TMEM177: variants seen among roughly 807,000 people sequenced by gnomAD.
The protein encoded by TMEM177 is transmembrane protein 177.
Under a neutral mutation model 14.2 loss-of-function variants are expected in TMEM177, and 4 were observed. The observed-to-expected ratio is 0.28, with a 90% confidence interval of 0.14 to 0.64. The LOEUF (loss-of-function observed/expected upper bound fraction) is 0.64. Ranked by LOEUF, TMEM177 falls within the 30% of genes least tolerant of loss-of-function variation. The pLI is 0.82. For missense variants in TMEM177, 344 were observed against 405.2 expected (o/e 0.85, Z 1.30); for synonymous variants, 179 against 174.5 (o/e 1.03, Z -0.20).
the TMEM177 span, among the ~76,000 whole-genome samples, chr2:119,723,503 GT>G: frequency 6.6e-6 from 1 of 152,164 alleles, no homozygotes; most frequent in Admixed American, 6.5e-5. Context: ...TTCAATGCAG[GT>G]TGTCACTTGG....
At chr2:119,688,306 G>C (rs1049004248), downstream of TMEM177, among the ~76,000 whole-genome samples, 1 of 152,306 alleles carries the variant, frequency 6.6e-6, no homozygotes, top group South Asian at 2.1e-4. Flanking sequence ...GTGATTTTAT[G>C]AATTCAAATA....
At chr2:119,708,252 C>T in the TMEM177 span, among the ~76,000 whole-genome samples, 5 of 152,214 alleles carry the variant, frequency 3.3e-5, no homozygotes, top group Non-Finnish European at 4.4e-5. Context: ...AAACACCCAT[C>T]TCTTAGCTTT....
At chr2:119,708,396 C>T in the TMEM177 span, among the ~76,000 whole-genome samples, 1 of 152,122 alleles carries the variant, frequency 6.6e-6, no homozygotes, top group African/African-American at 2.4e-5. Flanking sequence ...TCTTACATAA[C>T]AGGCATATTT....
chr2:119,687,945 C>A (rs1412504510), downstream of TMEM177, among the ~76,000 whole-genome samples: 1 of 152,054 alleles, frequency 6.6e-6, no homozygotes, highest in Non-Finnish European at 1.5e-5. Flanking sequence ...ATCTTTTGAC[C>A]CAGTAATTTC....
At chr2:119,705,930 A>G in the TMEM177 span, among the ~76,000 whole-genome samples, 4 of 149,804 alleles carry the variant, frequency 2.7e-5, no homozygotes, top group African/African-American at 9.8e-5. Context: ...TTCAGGAAAT[A>G]ATTCCTTAAC....
At chr2:119,699,605 G>T in the TMEM177 span, among the ~76,000 whole-genome samples, 1 of 152,160 alleles carries the variant, frequency 6.6e-6, no homozygotes, top group African/African-American at 2.4e-5. Context: ...ACTGCAAAAG[G>T]AGTGAATTTC....
At chr2:119,700,032 T>TAA in the TMEM177 span, 2 of 296,954 alleles carry the variant, frequency 6.7e-6, no homozygotes, top group Non-Finnish European at 6.6e-6. Context: ...GAGCTCTCCC[T>TAA]GCCACATCGA....
At chr2:119,707,765 C>A in the TMEM177 span, among the ~76,000 whole-genome samples, 3 of 152,224 alleles carry the variant, frequency 2.0e-5, no homozygotes, top group Non-Finnish European at 4.4e-5. Flanking sequence ...GGCTTCACAT[C>A]CATGCCACTC....
chr2:119,705,773 T>C, the TMEM177 span, among the ~76,000 whole-genome samples: 1 of 151,686 alleles, frequency 6.6e-6, no homozygotes, highest in Non-Finnish European at 1.5e-5. Context: ...CACTCAAGAA[T>C]AGACGGTGGG....
the TMEM177 span, among the ~76,000 whole-genome samples, chr2:119,702,076 T>C: frequency 6.6e-6 from 1 of 152,238 alleles, no homozygotes; most frequent in African/African-American, 2.4e-5. Context: ...CCCTAAACTG[T>C]AATTTCTAAT....
chr2:119,681,578 A>G lies in TMEM177; in HGVS notation c.725A>G (p.Tyr242Cys), dbSNP rs768018117. ...CGCACGGCCTCCCTCTCTGCAGCCT[A>G]TGCCTGTGGTGGAGTGGAGTTCTAT... ...DRRTASLSAA[Y>C]ACGGVEFYEK... The change falls in exon 2 of 2, where the codon TAT becomes TGT. Residue 242 changes from tyrosine to cysteine, a missense_variant. By Grantham distance (194) the Tyr-to-Cys change is radical. Transcript: ENST00000272521. The G allele has an allele frequency of 3.1e-6, 5 of 1,614,198 alleles. No individual in the cohort carries two copies. Among genetic ancestry groups the G allele is most frequent in the South Asian group, 1.1e-5 (1 of 91,076 alleles).
the TMEM177 span, among the ~76,000 whole-genome samples, chr2:119,694,105 A>T: frequency 3.4e-5 from 3 of 87,970 alleles, no homozygotes; most frequent in Non-Finnish European, 7.4e-5. Context: ...GCACACACAA[A>T]CACATACCAC....
At chr2:119,694,012 A>G in the TMEM177 span, among the ~76,000 whole-genome samples, 1 of 802 alleles carries the variant, frequency 1.2e-3, no homozygotes, top group Non-Finnish European at 2.3e-3. Context: ...ACGCATACAC[A>G]TTACACATAC....
the TMEM177 span, among the ~76,000 whole-genome samples, chr2:119,720,521 C>T: frequency 2.0e-5 from 3 of 152,134 alleles, no homozygotes; most frequent in South Asian, 2.1e-4. Flanking sequence ...CCGCCCACCT[C>T]GGCCTCCCAA....
At position 119,680,966 on chromosome 2, in the gene TMEM177, C is replaced by T. The variant is rs756935682; in HGVS notation, c.113C>T (p.Pro38Leu). ...GTTCCAATCTCGTACCACCTCTTCC[C>T]GGATCCCGTGGTCCAATGGCTCTAC... ...FGVPISYHLF[P>L]DPVVQWLYQY... The change falls in exon 2 of 2, where the codon CCG becomes CTG. Residue 38 changes from proline to leucine, a missense_variant. Physicochemically the swap from Pro to Leu is moderately conservative, Grantham distance 98. Coordinates refer to ENST00000272521, the MANE Select transcript of TMEM177 (RefSeq NM_030577.3). 18 of 1,614,104 alleles carry T rather than the reference C, an allele frequency of 1.1e-5. No homozygotes were observed. The highest frequency in any genetic ancestry group is 3.3e-5 in the South Asian group (3 of 91,080).
chr2:119,685,628 G>T (rs567705098), downstream of TMEM177: 152 of 717,232 alleles, frequency 2.1e-4, no homozygotes, highest in Non-Finnish European at 3.1e-4. Flanking sequence ...GGGGCATGTG[G>T]TTGGTAATAT....
chr2:119,718,404 A>T, the TMEM177 span, among the ~76,000 whole-genome samples: 1 of 152,148 alleles, frequency 6.6e-6, no homozygotes, highest in African/African-American at 2.4e-5. Flanking sequence ...TTTTCAATCT[A>T]ATGTCTCCAG....
chr2:119,703,024 G>A, the TMEM177 span, among the ~76,000 whole-genome samples: 8 of 152,236 alleles, frequency 5.3e-5, no homozygotes, highest in Non-Finnish European at 1.2e-4. Context: ...CCAGCAGGGG[G>A]AGCAAGCTCA....
the TMEM177 span, among the ~76,000 whole-genome samples, chr2:119,712,659 T>C: frequency 6.6e-6 from 1 of 152,148 alleles, no homozygotes; most frequent in Admixed American, 6.5e-5. Context: ...GAGAAAGAAA[T>C]GTCTATCGCT....
Sources: allele counts gnomAD v4.1 joint callset (sites outside exome capture counted in the v4.1 genomes callset), GRCh38; gene constraint gnomAD v4.1.1; transcripts MANE v1.5; gene names NCBI Gene and HGNC (gene_info 2026-07-23, HGNC 2026-07-21).